The following IQCM variants were observed in gnomAD, a reference collection of about 807,000 sequenced individuals.
The protein encoded by IQCM is IQ motif containing M, also known as IQ domain-containing protein M.
In IQCM, 45 loss-of-function variants were observed where a neutral mutation model predicts 57.6. That is an observed-to-expected ratio of 0.78 (90% CI 0.62 to 1.00). The LOEUF (loss-of-function observed/expected upper bound fraction) is 1.00, where lower values mean the gene tolerates loss of function less well. Among genes scored for constraint, IQCM ranks in the 50% least tolerant of loss-of-function variants. The pLI, the probability that IQCM is intolerant of heterozygous loss-of-function variation, is 0.00. For synonymous variants in IQCM, 148 were observed against 158.9 expected, an observed-to-expected ratio of 0.93 and a Z score of 0.51; for missense variants, 468 against 511.6, an observed-to-expected ratio of 0.91 and a Z score of 0.82.
At chr4:149,353,500 A>G (rs553284497) in intron 13 of IQCM, among the ~76,000 whole-genome samples, 1 of 152,344 alleles carries the variant, frequency 6.6e-6, no homozygotes, top group African/African-American at 2.4e-5. Context: ...TCACTGCAGC[A>G]TTATTCACAG....
chr4:149,671,833 A>G (rs1030128407), intron 7 of IQCM, among the ~76,000 whole-genome samples: 1 of 152,108 alleles, frequency 6.6e-6, no homozygotes, highest in South Asian at 2.1e-4. Flanking sequence ...TTGCACTGTG[A>G]TCTGAGAGAC....
At chr4:149,589,736 CT>C (rs1241156810) in intron 8 of IQCM, among the ~76,000 whole-genome samples, 2 of 151,870 alleles carry the variant, frequency 1.3e-5, no homozygotes, top group African/African-American at 4.8e-5. Context: ...ATCATGTTTC[CT>C]TTTTCAAAGT....
At chr4:149,726,109 A>G (rs112578622) in intron 5 of IQCM, among the ~76,000 whole-genome samples, 1 of 145,764 alleles carries the variant, frequency 6.9e-6, no homozygotes, top group Non-Finnish European at 1.5e-5. Context: ...GAAAGAAAGA[A>G]AGAAAGAAAG....
At chr4:149,413,218 C>T (rs1560815094) in intron 13 of IQCM, among the ~76,000 whole-genome samples, 1 of 152,222 alleles carries the variant, frequency 6.6e-6, no homozygotes, top group Non-Finnish European at 1.5e-5. Context: ...AGAAACTACT[C>T]ATTTGGGCAA....
intron 3 of IQCM, among the ~76,000 whole-genome samples, chr4:149,739,533 T>C (rs1356991225): frequency 2.0e-5 from 3 of 151,954 alleles, no homozygotes; most frequent in African/African-American, 7.2e-5. Flanking sequence ...CTAATGCAGT[T>C]TGGGTAAATT....
intron 12 of IQCM, among the ~76,000 whole-genome samples, chr4:149,447,239 A>G (rs1186057168): frequency 6.6e-6 from 1 of 151,572 alleles, no homozygotes; most frequent in Non-Finnish European, 1.5e-5. Context: ...AGGGACACAA[A>G]CAGCAAATAC....
chr4:149,654,782 T>C (rs1759496812), intron 7 of IQCM, among the ~76,000 whole-genome samples: 1 of 152,152 alleles, frequency 6.6e-6, no homozygotes, highest in African/African-American at 2.4e-5. Flanking sequence ...GCTATGTACA[T>C]CTATGAGCAC....
chr4:149,740,211 T>C (rs917223075), intron 3 of IQCM, among the ~76,000 whole-genome samples: 2 of 152,206 alleles, frequency 1.3e-5, no homozygotes, highest in African/African-American at 4.8e-5. Context: ...TGTGGCCACA[T>C]GGCTAAGGCC....
chr4:149,543,656 G>C (rs994511376), intron 12 of IQCM, among the ~76,000 whole-genome samples: 1 of 151,328 alleles, frequency 6.6e-6, no homozygotes, highest in Non-Finnish European at 1.5e-5. Context: ...TGGGTGCAGC[G>C]CACCAGCATG....
intron 6 of IQCM, among the ~76,000 whole-genome samples, chr4:149,683,858 AGGAGGGATTCT>A (rs1488075464): frequency 6.6e-6 from 1 of 151,356 alleles, no homozygotes; most frequent in Non-Finnish European, 1.5e-5. Context: ...GTGAAATGCC[AGGAGGGATTCT>A]ATCATTATTT....
chr4:149,698,365 G>C (rs558262661), intron 5 of IQCM, among the ~76,000 whole-genome samples: 2 of 151,994 alleles, frequency 1.3e-5, no homozygotes, highest in Non-Finnish European at 2.9e-5. Context: ...AAATATCTCA[G>C]TGACTGGCCT....
intron 8 of IQCM, among the ~76,000 whole-genome samples, chr4:149,609,330 A>C (rs935397965): frequency 6.6e-6 from 1 of 151,932 alleles, no homozygotes; most frequent in African/African-American, 2.4e-5. Context: ...AGCTAATACT[A>C]ATCATACTCA....
chr4:149,588,984 T>A (rs1016386212), intron 8 of IQCM, among the ~76,000 whole-genome samples: 2 of 151,914 alleles, frequency 1.3e-5, no homozygotes, highest in African/African-American at 2.4e-5. Flanking sequence ...TCTTATATAA[T>A]CCTTCAATAT....
chr4:149,477,618 A>C (rs897708382), intron 12 of IQCM, among the ~76,000 whole-genome samples: 1 of 152,256 alleles, frequency 6.6e-6, no homozygotes, highest in South Asian at 2.1e-4. Context: ...TGCAAACAGA[A>C]ATGGAGCAGG....
At chr4:149,689,451 G>A (rs369812637) in intron 5 of IQCM, among the ~76,000 whole-genome samples, 122 of 151,958 alleles carry the variant, frequency 8.0e-4, no homozygotes, top group African/African-American at 2.7e-3. Context: ...GTAGATGACG[G>A]GTTGACAGGT....
chr4:149,805,054 C>G (rs1454073625), intron 2 of IQCM, among the ~76,000 whole-genome samples: 1 of 151,982 alleles, frequency 6.6e-6, no homozygotes, highest in Non-Finnish European at 1.5e-5. Context: ...GTGAAGTGTT[C>G]TATCCTTAGG....
intron 2 of IQCM, among the ~76,000 whole-genome samples, chr4:149,760,023 G>GAAGGA (rs10657418): frequency 0.73 from 110,179 of 150,586 alleles, 40,985 homozygotes; most frequent in African/African-American, 0.87. Flanking sequence ...AGGAAGGAAG[G>GAAGGA]AAGGGAAGGG....
At chr4:149,547,593 G>A (rs150149277) in intron 12 of IQCM, among the ~76,000 whole-genome samples, 17 of 152,186 alleles carry the variant, frequency 1.1e-4, no homozygotes, top group South Asian at 1.0e-3. Flanking sequence ...GGTGACTGTC[G>A]TTAATACTGT....
rs146451251 is a variant in IQCM at position 149,369,988 on chromosome 4, T to C, written c.1391-17922A>G. ...ACGGCTCACTGCAGCCTCAGTCTCC[T>C]GGGTTCGAAAGATCTTCCCACTTTA... On this transcript the variant is annotated intron_variant, in intron 13 of 13. Transcript: ENST00000636793. Among the ~76,000 whole-genome samples the C allele has an allele frequency of 1.8e-3, 271 of 152,298 alleles. 2 individuals are homozygous for C. The highest frequency in any genetic ancestry group is 0.01 in the Middle Eastern group (3 of 294).
Sources: gnomAD v4.1 joint callset for allele counts (sites outside exome capture counted in the v4.1 genomes callset) on GRCh38, gnomAD v4.1.1 for gene constraint, MANE v1.5 for transcripts, NCBI Gene and HGNC (gene_info 2026-07-23, HGNC 2026-07-21) for gene names.